TIAM1: variants seen among roughly 807,000 people sequenced by gnomAD.
The protein encoded by TIAM1 is TIAM Rac1 associated GEF 1, also known as rho guanine nucleotide exchange factor TIAM1.
Under a neutral mutation model 163.5 loss-of-function variants are expected in TIAM1, and 65 were observed. That is an observed-to-expected ratio of 0.40 (90% CI 0.33 to 0.49). The LOEUF (loss-of-function observed/expected upper bound fraction) is 0.49, where lower values mean the gene tolerates loss of function less well. TIAM1 is among the 20% of genes least tolerant of loss of function. TIAM1 has a pLI of 0.77. For missense variants in TIAM1, 1,789 were observed against 2,044.7 expected (o/e 0.87, Z 2.41); for synonymous variants, 833 against 810.1 (o/e 1.03, Z -0.48).
chr21:31,188,483 C>T (rs143248855), intron 13 of TIAM1, among the ~76,000 whole-genome samples: 98 of 152,238 alleles, frequency 6.4e-4, no homozygotes, highest in African/African-American at 2.0e-3. Context: ...TCAAGGGCTA[C>T]GTCATAGGAA....
intron 4 of TIAM1, among the ~76,000 whole-genome samples, chr21:31,262,548 C>T (rs1372715065): frequency 1.3e-5 from 2 of 152,200 alleles, no homozygotes; most frequent in Non-Finnish European, 2.9e-5. Flanking sequence ...TCATAAAATA[C>T]ACGAATTAAA....
At chr21:31,247,420 G>A (rs886761478) in intron 5 of TIAM1, among the ~76,000 whole-genome samples, 40 of 151,952 alleles carry the variant, frequency 2.6e-4, no homozygotes, top group African/African-American at 9.4e-4. Flanking sequence ...TTGTAGATAT[G>A]GGGTCCCACT....
At chr21:31,121,279 C>A (rs1367900299) in intron 27 of TIAM1, among the ~76,000 whole-genome samples, 1 of 152,084 alleles carries the variant, frequency 6.6e-6, no homozygotes, top group East Asian at 1.9e-4. Flanking sequence ...TATGAAGATC[C>A]CCAGGGCTGT....
At chr21:31,353,835 C>CTTTTTTTTTTTTTTTTTTTTTTTTT (rs71193103) in intron 2 of TIAM1, among the ~76,000 whole-genome samples, 2 of 71,248 alleles carry the variant, frequency 2.8e-5, no homozygotes, top group East Asian at 5.8e-4. Flanking sequence ...ATTTATTTAT[C>CTTTTTTTTTTTTTTTTTTTTTTTTT]TTTTTTTTTT....
chr21:31,207,091 G>T (rs935744851), intron 11 of TIAM1, among the ~76,000 whole-genome samples: 1 of 152,112 alleles, frequency 6.6e-6, no homozygotes, highest in African/African-American at 2.4e-5. Flanking sequence ...CTGACACATG[G>T]TCACATGTGA....
intron 4 of TIAM1, among the ~76,000 whole-genome samples, chr21:31,261,478 G>A (rs953805417): frequency 1.3e-5 from 2 of 152,146 alleles, no homozygotes; most frequent in South Asian, 2.1e-4. Flanking sequence ...TTGGGAGGCT[G>A]AGGCGGGAAG....
chr21:31,536,494 C>T (rs553886034), intron 1 of TIAM1, among the ~76,000 whole-genome samples: 110 of 152,310 alleles, frequency 7.2e-4, no homozygotes, highest in Admixed American at 3.0e-3. Flanking sequence ...TCAGGACAGC[C>T]GGGACCCACT....
chr21:31,474,707 G>A (rs1465393762), intron 1 of TIAM1, among the ~76,000 whole-genome samples: 4 of 151,932 alleles, frequency 2.6e-5, no homozygotes, highest in African/African-American at 7.2e-5. Context: ...CACCATGCCC[G>A]GCTAATTTTG....
intron 2 of TIAM1, among the ~76,000 whole-genome samples, chr21:31,352,166 A>C (rs13046418): frequency 0.14 from 21,090 of 152,230 alleles, 1,535 homozygotes; most frequent in Middle Eastern, 0.18. Context: ...AATAGCCAAG[A>C]GGTGAAAACA....
intron 1 of TIAM1, among the ~76,000 whole-genome samples, chr21:31,497,088 G>T (rs2046688281): frequency 6.6e-6 from 1 of 152,196 alleles, no homozygotes; most frequent in South Asian, 2.1e-4. Context: ...GTGCGGCCCT[G>T]TTCCTAACAG....
chr21:31,147,533 C>T (rs1291752678), intron 19 of TIAM1, among the ~76,000 whole-genome samples: 2 of 151,556 alleles, frequency 1.3e-5, no homozygotes, highest in Admixed American at 6.6e-5. Flanking sequence ...GGTATCATCT[C>T]CCCAGCCTCT....
chr21:31,419,273 TAAGTA>T (rs1362876035), intron 2 of TIAM1, among the ~76,000 whole-genome samples: 2 of 152,198 alleles, frequency 1.3e-5, no homozygotes, highest in Admixed American at 6.5e-5. Context: ...AAATTCATGT[TAAGTA>T]AAGTAAAATA....
At chr21:31,227,117 C>T (rs773043155) in intron 6 of TIAM1, among the ~76,000 whole-genome samples, 5 of 151,740 alleles carry the variant, frequency 3.3e-5, no homozygotes, top group South Asian at 2.1e-4. Context: ...CCACCATGCC[C>T]GGCTAAGTTT....
At chr21:31,397,226 T>G (rs1168443716) in intron 2 of TIAM1, among the ~76,000 whole-genome samples, 1 of 152,190 alleles carries the variant, frequency 6.6e-6, no homozygotes, top group Non-Finnish European at 1.5e-5. Flanking sequence ...TCTGAAGAGA[T>G]ATGATCTCTT....
chr21:31,262,357 CAT>C (rs911117517), intron 4 of TIAM1, among the ~76,000 whole-genome samples: 2 of 152,162 alleles, frequency 1.3e-5, no homozygotes, highest in Non-Finnish European at 2.9e-5. Flanking sequence ...CAAAGAAATT[CAT>C]AAAGTTCAGG....
At chr21:31,142,201 C>A (rs1157504587) in intron 20 of TIAM1, among the ~76,000 whole-genome samples, 2 of 152,046 alleles carry the variant, frequency 1.3e-5, no homozygotes, top group East Asian at 3.9e-4. Flanking sequence ...AACTAATAAT[C>A]ATCCGTCCCC....
chr21:31,126,055 C>T (rs755203103), intron 26 of TIAM1, among the ~76,000 whole-genome samples: 1 of 152,032 alleles, frequency 6.6e-6, no homozygotes, highest in Non-Finnish European at 1.5e-5. Context: ...TCTTTTTGTA[C>T]CAACCTAATA....
chr21:31,391,080 A>T (rs1032287164), intron 2 of TIAM1, among the ~76,000 whole-genome samples: 1 of 151,864 alleles, frequency 6.6e-6, no homozygotes, highest in Non-Finnish European at 1.5e-5. Context: ...CTTAGTTCTG[A>T]CCTGGCAAGG....
Position 31,310,435 on chromosome 21 carries a change from C to G in TIAM1, c.-189+28808G>C, listed in dbSNP as rs7275809. Among the ~76,000 whole-genome samples the G allele has an allele frequency of 9.3e-3, 1,417 of 152,298 alleles. 4 individuals carry two copies. Among genetic ancestry groups the G allele is most frequent in the Middle Eastern group, 0.02 (6 of 294 alleles). On this transcript the variant is annotated intron_variant, in intron 2 of 27. Coordinates refer to ENST00000541036, the MANE Select transcript of TIAM1 (RefSeq NM_001353694.2). ...GTAAACCTATAAATCCATGAAGCCACTGAAATTCCGGGTTGTGCGTTACAA... is the reference window on the plus strand; with the variant it reads ...GTAAACCTATAAATCCATGAAGCCAGTGAAATTCCGGGTTGTGCGTTACAA...
Sources: gnomAD v4.1 joint callset for allele counts (sites outside exome capture counted in the v4.1 genomes callset) on GRCh38, gnomAD v4.1.1 for gene constraint, MANE v1.5 for transcripts, NCBI Gene and HGNC (gene_info 2026-07-23, HGNC 2026-07-21) for gene names.